The following KCNQ5 variants were observed in gnomAD, a reference collection of about 807,000 sequenced individuals.
KCNQ5 encodes potassium voltage-gated channel subfamily Q member 5.
A neutral mutation model predicts 98.2 loss-of-function variants in KCNQ5; 30 were observed. That is an observed-to-expected ratio of 0.31 (90% CI 0.23 to 0.41). The LOEUF is 0.41. Ranked by LOEUF, KCNQ5 falls within the 10% of genes least tolerant of loss-of-function variation. The probability of loss-of-function intolerance (pLI) is 1.00; values close to 1 mark genes in which losing one functional copy is unlikely to be tolerated. For synonymous variants in KCNQ5, 458 were observed against 449.4 expected (o/e 1.02, Z -0.24); for missense variants, 835 against 1,182.5 (o/e 0.71, Z 4.31).
intron 3 of KCNQ5, among the ~76,000 whole-genome samples, chr6:73,066,701 A>G (rs1451362931): frequency 6.6e-6 from 1 of 152,222 alleles, no homozygotes; most frequent in Non-Finnish European, 1.5e-5. Flanking sequence ...AGGTATGGAA[A>G]CCAGCCCTGA....
intron 1 of KCNQ5, among the ~76,000 whole-genome samples, chr6:72,882,891 G>A (rs1581952564): frequency 6.6e-6 from 1 of 152,128 alleles, no homozygotes; most frequent in Non-Finnish European, 1.5e-5. Context: ...CATCATAAGA[G>A]CTTTATGGTC....
At chr6:72,829,543 T>C (rs117438457) in intron 1 of KCNQ5, among the ~76,000 whole-genome samples, 2 of 152,306 alleles carry the variant, frequency 1.3e-5, no homozygotes, top group Non-Finnish European at 2.9e-5. Context: ...ATTCAATATA[T>C]ACTTAATATA....
In KCNQ5 at chr6:73,195,075, C is replaced by T. The variant is rs1765737324; in HGVS notation, c.2460C>T (p.Pro820=). ...GAGAAACTCTGTTGTCTGTCTGTCC[C>T]ATGGTGCCGAAGGACTTGGGCAAAT... ...MGGETLLSVC[P]MVPKDLGKSL... Residue 820 remains proline (P), a synonymous_variant, in exon 14 of 14, where the codon CCC becomes CCT. Coordinates refer to ENST00000370398, the MANE Select transcript of KCNQ5 (RefSeq NM_019842.4). 1.2e-6 allele frequency: 2 copies of T among 1,614,054 alleles called. No individual in the cohort carries two copies. The highest frequency in any genetic ancestry group is 1.7e-6 in the Non-Finnish European group (2 of 1,180,034).
intron 11 of KCNQ5, among the ~76,000 whole-genome samples, chr6:73,172,752 CTTG>C (rs1189423453): frequency 6.6e-6 from 1 of 152,046 alleles, no homozygotes; most frequent in African/African-American, 2.4e-5. Flanking sequence ...GGGCATTTTT[CTTG>C]TTATTTTTTA....
chr6:72,780,654 T>C (rs1773418665), intron 1 of KCNQ5, among the ~76,000 whole-genome samples: 1 of 152,076 alleles, frequency 6.6e-6, no homozygotes, highest in African/African-American at 2.4e-5. Flanking sequence ...TGGGGGGAGA[T>C]ATGAGATCAG....
At chr6:73,018,858 C>A (rs776044523) in intron 2 of KCNQ5, among the ~76,000 whole-genome samples, 3 of 152,164 alleles carry the variant, frequency 2.0e-5, no homozygotes, top group Non-Finnish European at 4.4e-5. Flanking sequence ...GCTCAGCATA[C>A]AACACATTGG....
At chr6:73,081,828 T>C (rs1038838057) in intron 5 of KCNQ5, among the ~76,000 whole-genome samples, 1 of 152,052 alleles carries the variant, frequency 6.6e-6, no homozygotes, top group Non-Finnish European at 1.5e-5. Flanking sequence ...AGCCATCTCA[T>C]TTAAAAAAAA....
chr6:72,651,256 C>T (rs1765861763), intron 1 of KCNQ5, among the ~76,000 whole-genome samples: 1 of 152,044 alleles, frequency 6.6e-6, no homozygotes, highest in Non-Finnish European at 1.5e-5. Context: ...CAGGTCCAGA[C>T]AGCTGGTAGA....
In KCNQ5 at chr6:72,790,037, C is replaced by T. The variant is rs955949133; in HGVS notation, c.398+167450C>T. On this transcript the variant is annotated intron_variant, in intron 1 of 13. Transcript: ENST00000370398. Reference sequence around the variant, plus strand: ...GCGTCCAAATAGAATTAGAACTAGACGCCACTTGTCAAGATAAATGTTTGA... The same window carrying T: ...GCGTCCAAATAGAATTAGAACTAGATGCCACTTGTCAAGATAAATGTTTGA... Among the ~76,000 whole-genome samples the T allele has an allele frequency of 7.9e-5, 12 of 152,128 alleles. No individual in the cohort carries two copies. The South Asian group carries it at 8.3e-4, about 11-fold the overall frequency.
chr6:72,960,498 C>T (rs1159248528), intron 1 of KCNQ5, among the ~76,000 whole-genome samples: 1 of 152,084 alleles, frequency 6.6e-6, no homozygotes, highest in Non-Finnish European at 1.5e-5. Context: ...GGGGCGATCT[C>T]GGCTCACTGC....
At chr6:73,077,908 T>C in intron 5 of KCNQ5, 21 bp downstream of exon 5, 1 of 1,567,768 alleles carries the variant, frequency 6.4e-7, no homozygotes, top group Non-Finnish European at 8.6e-7. Flanking sequence ...AAATACATTT[T>C]TTATTTATTG....
chr6:72,632,154 TTG>T (rs1491019382), intron 1 of KCNQ5, among the ~76,000 whole-genome samples: 1 of 150,176 alleles, frequency 6.7e-6, no homozygotes, highest in African/African-American at 2.4e-5. Context: ...TTTTTTTTTT[TTG>T]AGACGGAGTC....
rs989744430 is a variant in KCNQ5, at chr6:72,801,637, A to G, written c.398+179050A>G. The stretch of plus-strand genomic sequence containing the variant: ...TTTAGTCCATTTACATTTAAAGTTA[A>G]TATTGTTATGTGTGAATTTGATCCT... On this transcript the variant is annotated intron_variant, in intron 1 of 13. Transcript: ENST00000370398. 6.1e-4 allele frequency among the ~76,000 whole-genome samples: 84 copies of G among 138,430 alleles called. No individual in the cohort carries two copies. The East Asian group carries it at 0.015, about 25-fold the overall frequency. The allele number at this position is 138,430 out of a possible 152,430, so 90.8% of individuals were successfully genotyped here.
chr6:72,660,975 G>A (rs534560230), intron 1 of KCNQ5, among the ~76,000 whole-genome samples: 11 of 152,074 alleles, frequency 7.2e-5, no homozygotes, highest in Middle Eastern at 3.4e-3. Flanking sequence ...GAGGTCTCGT[G>A]TGTAGGTGAC....
intron 1 of KCNQ5, among the ~76,000 whole-genome samples, chr6:72,779,387 C>A (rs7740606): frequency 0.55 from 83,885 of 151,972 alleles, 23,388 homozygotes; most frequent in Middle Eastern, 0.62. Context: ...AATATGTAGA[C>A]AAGTTTGTGA....
intron 1 of KCNQ5, among the ~76,000 whole-genome samples, chr6:72,939,734 G>A (rs867374889): frequency 6.6e-6 from 1 of 152,144 alleles, no homozygotes; most frequent in South Asian, 2.1e-4. Flanking sequence ...CTGCAAATCA[G>A]AGAGTATCTC....
intron 1 of KCNQ5, among the ~76,000 whole-genome samples, chr6:72,911,273 T>C (rs1481439446): frequency 6.6e-6 from 1 of 152,106 alleles, no homozygotes; most frequent in East Asian, 1.9e-4. Context: ...CTTTGGAAGG[T>C]AATTAAGCCA....
chr6:72,961,768 T>C (rs1446905817), intron 1 of KCNQ5, among the ~76,000 whole-genome samples: 1 of 152,000 alleles, frequency 6.6e-6, no homozygotes, highest in African/African-American at 2.4e-5. Context: ...ATGAAATCCA[T>C]TCAGGTAATT....
chr6:72,644,820 A>G (rs1765504596), intron 1 of KCNQ5, among the ~76,000 whole-genome samples: 1 of 152,110 alleles, frequency 6.6e-6, no homozygotes, highest in African/African-American at 2.4e-5. Context: ...TCATTCTCTC[A>G]GCAAGCCAGT....
Sources: allele counts gnomAD v4.1 joint callset (sites outside exome capture counted in the v4.1 genomes callset), GRCh38; gene constraint gnomAD v4.1.1; transcripts MANE v1.5; gene names NCBI Gene and HGNC (gene_info 2026-07-23, HGNC 2026-07-21).